Variants in LINC00305 observed in about 807,000 individuals in gnomAD.
LINC00305 encodes the protein long intergenic non-protein coding RNA 305.
intron 1 of LINC00305, among the ~76,000 whole-genome samples, chr18:64,121,980 C>T (rs2051364053): frequency 6.6e-6 from 1 of 152,022 alleles, no homozygotes; most frequent in Non-Finnish European, 1.5e-5. Flanking sequence ...ATTTTTATGT[C>T]TTCTTTTGAG....
intron 3 of LINC00305, among the ~76,000 whole-genome samples, chr18:64,087,183 C>T (rs2051206586): frequency 6.6e-6 from 1 of 152,160 alleles, no homozygotes; most frequent in Non-Finnish European, 1.5e-5. Flanking sequence ...TTTCAGTCAA[C>T]TTACAGTAAA....
At chr18:64,114,500 T>A (rs187967555) in intron 1 of LINC00305, among the ~76,000 whole-genome samples, 6 of 152,344 alleles carry the variant, frequency 3.9e-5, no homozygotes, top group African/African-American at 1.4e-4. Flanking sequence ...AACTTTCTGA[T>A]ATCTCCTTTG....
At chr18:64,114,689 C>T (rs868042942) in intron 1 of LINC00305, among the ~76,000 whole-genome samples, 1 of 152,170 alleles carries the variant, frequency 6.6e-6, no homozygotes, top group Non-Finnish European at 1.5e-5. Context: ...GCTGAGATTA[C>T]AGGTGCATGC....
intron 3 of LINC00305, among the ~76,000 whole-genome samples, chr18:64,087,940 AAAAAC>A (rs952951271): frequency 3.3e-5 from 5 of 151,946 alleles, no homozygotes; most frequent in African/African-American, 1.2e-4. Context: ...AACTACAAAA[AAAAAC>A]AAAACAAACA....
chr18:64,122,321 C>G (rs1456060151), intron 1 of LINC00305, among the ~76,000 whole-genome samples: 1 of 151,924 alleles, frequency 6.6e-6, no homozygotes. Context: ...AGTTTTAGGA[C>G]TTATGTTTAT....
intron 3 of LINC00305, chr18:64,097,804 A>G (rs1261911160): frequency 2.2e-6 from 1 of 448,606 alleles, no homozygotes; most frequent in East Asian, 7.0e-5. Flanking sequence ...AACTTAAAAA[A>G]CTTTTTGTTT....
chr18:64,109,541 A>G (rs1262276334), intron 1 of LINC00305, among the ~76,000 whole-genome samples: 1 of 152,224 alleles, frequency 6.6e-6, no homozygotes, highest in Non-Finnish European at 1.5e-5. Context: ...CCATTTATTC[A>G]TTGTCATCAT....
At position 64,143,627 on chromosome 18, in the gene LINC00305, T is replaced by C. The variant is rs541223720; in HGVS notation, n.314+5148A>G. On this transcript the variant is annotated intron_variant and non_coding_transcript_variant, in intron 1 of 3. Coordinates refer to ENST00000666468, the Ensembl canonical transcript of LINC00305. ...ATATGTACATATGTACACATATGTATGTACACGTATTATGTATACATATGT... is the reference window on the plus strand; with the variant it reads ...ATATGTACATATGTACACATATGTACGTACACGTATTATGTATACATATGT... Among the ~76,000 whole-genome samples the C allele has an allele frequency of 4.6e-4, 59 of 128,460 alleles. 1 individual carries two copies. The highest frequency in any genetic ancestry group is 4.3e-3 in the Admixed American group (59 of 13,830). The allele number at this position is 128,460 out of a possible 152,430, so 84.3% of individuals were successfully genotyped here.
chr18:64,089,125 G>GTAA (rs946969789), intron 3 of LINC00305, among the ~76,000 whole-genome samples: 82 of 152,260 alleles, frequency 5.4e-4, no homozygotes, highest in African/African-American at 2.0e-3. Context: ...ATCTTGAATC[G>GTAA]TAATCTGAAT....
chr18:64,143,756 T>G (rs1244923740), intron 1 of LINC00305, among the ~76,000 whole-genome samples: 1 of 72,102 alleles, frequency 1.4e-5, no homozygotes, highest in Non-Finnish European at 3.0e-5. Flanking sequence ...CGTACATGTA[T>G]GTACACATAT....
chr18:64,125,411 A>T (rs990660617), intron 1 of LINC00305, among the ~76,000 whole-genome samples: 12 of 129,970 alleles, frequency 9.2e-5, no homozygotes, highest in African/African-American at 3.1e-4. Context: ...ACAATTAAAT[A>T]AAAAAAAATC....
intron 1 of LINC00305, among the ~76,000 whole-genome samples, chr18:64,116,394 T>C (rs895866369): frequency 6.6e-6 from 1 of 152,228 alleles, no homozygotes; most frequent in Non-Finnish European, 1.5e-5. Flanking sequence ...TTTAAGAACA[T>C]ATTAATTGCA....
intron 1 of LINC00305, among the ~76,000 whole-genome samples, chr18:64,147,816 T>G: frequency 6.6e-6 from 1 of 152,130 alleles, no homozygotes; most frequent in South Asian, 2.1e-4. Flanking sequence ...TCATAATTGG[T>G]TTTCTCATAT....
rs541473430 is a variant in LINC00305 at position 64,126,301 on chromosome 18, C to G, written n.314+22474G>C. 8.6e-5 allele frequency among the ~76,000 whole-genome samples: 13 copies of G among 151,866 alleles called. No individual in the cohort carries two copies. In the South Asian group the frequency reaches 2.7e-3, roughly 32 times the overall value. On this transcript the variant is annotated intron_variant and non_coding_transcript_variant, in intron 1 of 3. Coordinates refer to ENST00000666468, the Ensembl canonical transcript of LINC00305. ...ATAGCATTATAAGTGATTTCAATTC[C>G]TTTATTATTTTCTATATTTTAAAAA... is the stretch of plus-strand genomic sequence containing the variant.
chr18:64,112,738 T>C (rs984334099), intron 1 of LINC00305, among the ~76,000 whole-genome samples: 1 of 152,218 alleles, frequency 6.6e-6, no homozygotes, highest in African/African-American at 2.4e-5. Context: ...TCTCTAATCA[T>C]TGATCTCTCT....
intron 1 of LINC00305, among the ~76,000 whole-genome samples, chr18:64,145,963 C>T (rs2051495825): frequency 6.6e-6 from 1 of 151,808 alleles, no homozygotes; most frequent in Non-Finnish European, 1.5e-5. Flanking sequence ...GCAGACAAAG[C>T]TGTTAGAAAA....
chr18:64,104,371 G>A (rs1431594102), intron 1 of LINC00305: 1 of 152,190 alleles, frequency 6.6e-6, no homozygotes, highest in Non-Finnish European at 1.5e-5. Flanking sequence ...TATTACAGAG[G>A]AAGGCAGACT....
At chr18:64,122,799 A>G (rs1403249567) in intron 1 of LINC00305, among the ~76,000 whole-genome samples, 2 of 152,134 alleles carry the variant, frequency 1.3e-5, no homozygotes, top group African/African-American at 2.4e-5. Flanking sequence ...AATGATATCA[A>G]TATTAATTCT....
At chr18:64,141,593 T>C (rs2051463392) in intron 1 of LINC00305, among the ~76,000 whole-genome samples, 1 of 152,200 alleles carries the variant, frequency 6.6e-6, no homozygotes, top group African/African-American at 2.4e-5. Context: ...ATAATGATAG[T>C]ATCTACCTCC....
Sources: gnomAD v4.1 joint callset for allele counts (sites outside exome capture counted in the v4.1 genomes callset) on GRCh38, gnomAD v4.1.1 for gene constraint, MANE v1.5 for transcripts, NCBI Gene and HGNC (gene_info 2026-07-23, HGNC 2026-07-21) for gene names.